RAB7A: variants seen among roughly 807,000 people sequenced by gnomAD.
RAB7A encodes ras-related protein Rab-7a.
In RAB7A, 2 loss-of-function variants were observed where a neutral mutation model predicts 24.5. The ratio of observed to expected loss-of-function variants is 0.08; its 90% CI spans 0.03 to 0.26. The LOEUF (loss-of-function observed/expected upper bound fraction) is 0.26. RAB7A is among the 10% of genes least tolerant of loss of function. The pLI is 1.00. For missense variants in RAB7A, 118 were observed against 255.7 expected (o/e 0.46, Z 3.67); for synonymous variants, 100 against 95.9 (o/e 1.04, Z -0.25).
rs575534306 is a variant in RAB7A at position 128,751,955 on chromosome 3, C to CT, written c.-9+25597dup. On this transcript the variant is annotated intron_variant, in intron 1 of 5. Transcript: ENST00000265062. ...GGAGCTTCCCTGCACAAGCATTCCT[C>CT]TCTTTGCCTGCCACCATACATAAGA... is the stretch of plus-strand genomic sequence containing the variant. Among the ~76,000 whole-genome samples, 18 of 152,350 alleles carry CT rather than the reference C, an allele frequency of 1.2e-4. No individual in the cohort carries two copies. In the East Asian group the frequency reaches 3.5e-3, roughly 29 times the overall value.
chr3:128,774,665 C>T (rs993997277), intron 1 of RAB7A, among the ~76,000 whole-genome samples: 5 of 152,212 alleles, frequency 3.3e-5, no homozygotes, highest in Admixed American at 6.5e-5. Flanking sequence ...GCTCCGCTCC[C>T]GGGTTCACGC....
intron 1 of RAB7A, among the ~76,000 whole-genome samples, chr3:128,767,044 A>C (rs1002147588): frequency 2.6e-5 from 4 of 151,672 alleles, no homozygotes; most frequent in Non-Finnish European, 4.4e-5. Context: ...CTGGGGTCTG[A>C]TTTGCCCTGA....
intron 1 of RAB7A, among the ~76,000 whole-genome samples, chr3:128,755,830 C>T (rs2070725009): frequency 6.6e-6 from 1 of 152,022 alleles, no homozygotes; most frequent in South Asian, 2.1e-4. Context: ...AGGTTAGTTA[C>T]ATATGTATAC....
intron 1 of RAB7A, among the ~76,000 whole-genome samples, chr3:128,752,616 T>C (rs1210148955): frequency 7.9e-5 from 12 of 152,094 alleles, no homozygotes; most frequent in Non-Finnish European, 1.8e-4. Context: ...CAAGTGCTTA[T>C]TTAGGTGTTT....
intron 1 of RAB7A, among the ~76,000 whole-genome samples, chr3:128,731,418 C>T (rs1268774206): frequency 1.3e-5 from 2 of 152,220 alleles, no homozygotes; most frequent in Non-Finnish European, 2.9e-5. Flanking sequence ...CTCTGACCTG[C>T]ACCATGTTAA....
chr3:128,757,664 CCCA>C (rs1265410197), intron 1 of RAB7A, among the ~76,000 whole-genome samples: 5 of 151,784 alleles, frequency 3.3e-5, no homozygotes, highest in Non-Finnish European at 5.9e-5. Flanking sequence ...ACTACAGGTG[CCCA>C]CCACCACGCC....
intron 5 of RAB7A, among the ~76,000 whole-genome samples, chr3:128,810,644 G>A (rs1019836111): frequency 7.3e-5 from 11 of 151,326 alleles, no homozygotes; most frequent in African/African-American, 1.9e-4. Flanking sequence ...ATAAGGACAC[G>A]AATTCTCAGA....
At chr3:128,798,808 C>T (rs1933632727) in intron 3 of RAB7A, 1 of 225,010 alleles carries the variant, frequency 4.4e-6, no homozygotes, top group Admixed American at 6.4e-5. Flanking sequence ...GAGTGAGACC[C>T]TGTCTCTAAA....
intron 1 of RAB7A, among the ~76,000 whole-genome samples, chr3:128,747,154 T>C (rs374659918): frequency 1.3e-4 from 20 of 150,346 alleles, no homozygotes; most frequent in East Asian, 9.9e-4. Flanking sequence ...AAAATAGGCT[T>C]GTTGGTGTAT....
At chr3:128,804,874 G>C (rs1306095298) in intron 3 of RAB7A, among the ~76,000 whole-genome samples, 1 of 152,160 alleles carries the variant, frequency 6.6e-6, no homozygotes. Context: ...GGAATCGATG[G>C]TTCACTAAAT....
intron 1 of RAB7A, among the ~76,000 whole-genome samples, chr3:128,794,789 C>G (rs1933531877): frequency 6.6e-6 from 1 of 151,866 alleles, no homozygotes; most frequent in Non-Finnish European, 1.5e-5. Flanking sequence ...AGACGGTACC[C>G]AACATTTAAT....
intron 1 of RAB7A, chr3:128,764,720 C>T (rs1281625468): frequency 2.1e-5 from 17 of 798,756 alleles, no homozygotes; most frequent in African/African-American, 3.3e-5. Context: ...CACTCCATTG[C>T]ATTCAGCCCA....
intron 4 of RAB7A, among the ~76,000 whole-genome samples, chr3:128,807,289 CT>C (rs1165154112): frequency 6.6e-6 from 1 of 152,180 alleles, no homozygotes; most frequent in Non-Finnish European, 1.5e-5. Context: ...TTAAGTATAA[CT>C]GAGGGTCAGA....
intron 3 of RAB7A, among the ~76,000 whole-genome samples, chr3:128,801,445 A>G (rs1197535881): frequency 1.3e-5 from 2 of 152,148 alleles, no homozygotes; most frequent in African/African-American, 4.8e-5. Context: ...CATTGTAGTG[A>G]TGGTTTGTGT....
In RAB7A at chr3:128,763,417, C is replaced by A. The variant is rs1234783941; in HGVS notation, c.-8-31943C>A. Among the ~76,000 whole-genome samples the A allele has an allele frequency of 2.0e-5, 3 of 151,730 alleles. No individual in the cohort carries two copies. The South Asian group carries it at 6.3e-4, about 32-fold the overall frequency. On this transcript the variant is annotated intron_variant, in intron 1 of 5. Coordinates refer to ENST00000265062, the MANE Select transcript of RAB7A (RefSeq NM_004637.6). ...TATTTTTAGTAGAGACGGGGTTTCA[C>A]CCTGTTAGCCAGGATGGTCTCGATC...
intron 1 of RAB7A, among the ~76,000 whole-genome samples, chr3:128,741,676 G>T (rs554831112): frequency 6.6e-6 from 1 of 152,124 alleles, no homozygotes; most frequent in South Asian, 2.1e-4. Context: ...GAGCCACCAT[G>T]CCTGGCTGTG....
chr3:128,808,643 G>A (rs1261980699), intron 5 of RAB7A, among the ~76,000 whole-genome samples: 1 of 152,214 alleles, frequency 6.6e-6, no homozygotes, highest in Non-Finnish European at 1.5e-5. Flanking sequence ...TTGAAAGTCT[G>A]TTTTGATGTA....
intron 1 of RAB7A, among the ~76,000 whole-genome samples, chr3:128,791,129 ACTT>A (rs1933444029): frequency 6.6e-6 from 1 of 150,718 alleles, no homozygotes; most frequent in African/African-American, 2.4e-5. Context: ...AATCATGAAA[ACTT>A]CTTCATGTTT....
At chr3:128,749,078 G>A (rs1371818268) in intron 1 of RAB7A, 3 of 152,172 alleles carry the variant, frequency 2.0e-5, no homozygotes, top group Non-Finnish European at 4.4e-5. Flanking sequence ...GTTGTAATTG[G>A]TATCCAGAAG....
Sources: gnomAD v4.1 joint callset for allele counts (sites outside exome capture counted in the v4.1 genomes callset) on GRCh38, gnomAD v4.1.1 for gene constraint, MANE v1.5 for transcripts, NCBI Gene and HGNC (gene_info 2026-07-23, HGNC 2026-07-21) for gene names.